Variants in TM9SF4 observed in about 807,000 individuals in gnomAD.
TM9SF4 encodes the protein dinucleotide oxidase disulfide thiol exchanger 3 superfamily member 4.
A neutral mutation model predicts 90.4 loss-of-function variants in TM9SF4; 26 were observed. The ratio of observed to expected loss-of-function variants is 0.29; its 90% CI spans 0.21 to 0.40. TM9SF4 has a LOEUF of 0.40. Ranked by LOEUF, TM9SF4 falls within the 10% of genes least tolerant of loss-of-function variation. TM9SF4 has a pLI of 1.00. For synonymous variants in TM9SF4, 293 were observed against 315.4 expected, an observed-to-expected ratio of 0.93 and a Z score of 0.75; for missense variants, 549 against 834.8, an observed-to-expected ratio of 0.66 and a Z score of 4.22.
chr20:32,141,078 G>A (rs1478146644), intron 3 of TM9SF4, among the ~76,000 whole-genome samples: 5 of 151,884 alleles, frequency 3.3e-5, no homozygotes, highest in Non-Finnish European at 5.9e-5. Context: ...TTAGCCGGGC[G>A]TGGTGGCATG....
intron 1 of TM9SF4, among the ~76,000 whole-genome samples, chr20:32,110,328 A>C (rs753123437): frequency 7.3e-5 from 11 of 150,822 alleles, no homozygotes; most frequent in African/African-American, 2.7e-4. Context: ...CCCCACCCCC[A>C]TCTTTCATCC....
intron 1 of TM9SF4, among the ~76,000 whole-genome samples, chr20:32,131,891 C>T (rs1446245514): frequency 6.6e-6 from 1 of 152,118 alleles, no homozygotes; most frequent in Non-Finnish European, 1.5e-5. Flanking sequence ...AGGCACTGTT[C>T]GTGGTGCTGC....
chr20:32,109,907 A>C, intron 1 of TM9SF4, 152 bp downstream of exon 1: 1 of 1,478,210 alleles, frequency 6.8e-7, no homozygotes, highest in South Asian at 1.3e-5. Flanking sequence ...TCTTCCCCGA[A>C]ATCCACCTCC....
intron 9 of TM9SF4, among the ~76,000 whole-genome samples, chr20:32,149,156 A>T (rs1017875558): frequency 2.0e-5 from 3 of 152,252 alleles, no homozygotes; most frequent in African/African-American, 7.2e-5. Flanking sequence ...AAGTGGGAGT[A>T]TCAAATCATT....
At chr20:32,140,932 T>C (rs1421253797) in intron 3 of TM9SF4, among the ~76,000 whole-genome samples, 1 of 152,050 alleles carries the variant, frequency 6.6e-6, no homozygotes, top group Non-Finnish European at 1.5e-5. Flanking sequence ...AAGGATGTGA[T>C]GCTTGGCTGG....
chr20:32,154,867 A>G (rs1339983632), intron 12 of TM9SF4, among the ~76,000 whole-genome samples: 2 of 152,198 alleles, frequency 1.3e-5, no homozygotes, highest in African/African-American at 4.8e-5. Context: ...AGGTAGCCAA[A>G]ATATGTAATT....
chr20:32,109,810 C>G (rs1410494061), intron 1 of TM9SF4, 55 bp downstream of exon 1: 5 of 1,550,772 alleles, frequency 3.2e-6, no homozygotes, highest in African/African-American at 2.7e-5. Context: ...CCGGGGTATC[C>G]CAGGATCTTC....
chr20:32,109,788 G>A (rs984879504), intron 1 of TM9SF4, 33 bp downstream of exon 1: 4 of 1,551,476 alleles, frequency 2.6e-6, no homozygotes, highest in Non-Finnish European at 3.5e-6. Flanking sequence ...GCGGGAGCTG[G>A]AGCGGGGCCC....
chr20:32,112,623 G>A (rs1288689268), intron 1 of TM9SF4, among the ~76,000 whole-genome samples: 1 of 151,758 alleles, frequency 6.6e-6, no homozygotes, highest in Non-Finnish European at 1.5e-5. Context: ...GAACCCGGGA[G>A]GCGGAGGCTA....
intron 17 of TM9SF4, among the ~76,000 whole-genome samples, chr20:32,163,268 A>AAAAAATAT (rs1555886757): frequency 2.7e-5 from 2 of 74,496 alleles, no homozygotes; most frequent in African/African-American, 5.9e-5. Context: ...AAAAAAAAAA[A>AAAAAATAT]ATATATATAT....
At chr20:32,161,405 G>A in intron 17 of TM9SF4, 40 bp downstream of exon 17, 1 of 1,582,412 alleles carries the variant, frequency 6.3e-7, no homozygotes, top group Non-Finnish European at 8.7e-7. Context: ...GTCCTCATAG[G>A]GTAGGAAGGT....
intron 16 of TM9SF4, 179 bp from the exon 17 acceptor site, chr20:32,161,097 G>T: frequency 1.7e-6 from 1 of 572,406 alleles, no homozygotes; most frequent in Non-Finnish European, 3.1e-6. Flanking sequence ...CCACAGTTCT[G>T]TGGTTTTTAG....
rs552954554 is a variant in TM9SF4, at chr20:32,151,664, TG to T, written c.1245+790del. Among the ~76,000 whole-genome samples, 240 of 152,180 alleles carry T rather than the reference TG, an allele frequency of 1.6e-3. 6 individuals are homozygous for T. The highest frequency in any genetic ancestry group is 0.011 in the East Asian group (56 of 5,176). On this transcript the variant is annotated intron_variant, in intron 12 of 17. Transcript: ENST00000398022. ...GAGGATCAAAGAAAGGTTCCTGAATTGTTTTTTGTTTTTTTATTGTTGTTGT... is the reference window on the plus strand; with the variant it reads ...GAGGATCAAAGAAAGGTTCCTGAATTTTTTTTGTTTTTTTATTGTTGTTGT...
intron 1 of TM9SF4, among the ~76,000 whole-genome samples, chr20:32,123,192 AGGGGGAGGGGGGAGGGGGAGGGGGGAGG>A (rs2046357116): frequency 9.8e-4 from 1 of 1,016 alleles, no homozygotes; most frequent in African/African-American, 2.6e-3. Context: ...GGAGGGGGAG[AGGGGGAGGGGGGAGGGGGAGGGGGGAGG>A]GGGAGAGGGA....
Position 32,150,822 on chromosome 20 carries a change from G to T in TM9SF4, c.1192G>T (p.Gly398Cys). 1 of 1,614,216 alleles carries T rather than the reference G, an allele frequency of 6.2e-7. No individual in the cohort carries two copies. Among genetic ancestry groups the T allele is most frequent in the Non-Finnish European group, 8.5e-7 (1 of 1,180,046 alleles). ...CAGGGTGTTTGGCGGATTTTCTGCT[G>T]GCCGTCTGTACCGCACTTTAAAAGG... is the stretch of plus-strand genomic sequence containing the variant. ...FMGVFGGFSA[G>C]RLYRTLKGHR... The change falls in exon 12 of 18, where the codon GGC becomes TGC. Residue 398 changes from glycine (G) to cysteine (C), a missense_variant. Around this residue, in one of 2 missense-constraint regions of TM9SF4, gnomAD observed 495 missense variants for 711.7 expected, o/e 0.70. Coordinates refer to ENST00000398022, the MANE Select transcript of TM9SF4 (RefSeq NM_014742.4).
intron 1 of TM9SF4, among the ~76,000 whole-genome samples, chr20:32,116,862 C>CTTTTTTTTTTTTTTTTTTTTT (rs201365030): frequency 2.1e-5 from 2 of 95,852 alleles, no homozygotes; most frequent in Non-Finnish European, 4.0e-5. Context: ...TTTCCTTTTT[C>CTTTTTTTTTTTTTTTTTTTTT]TTTTTTTTTT....
At chr20:32,122,863 C>A in intron 1 of TM9SF4, among the ~76,000 whole-genome samples, 1 of 151,994 alleles carries the variant, frequency 6.6e-6, no homozygotes, top group Non-Finnish European at 1.5e-5. Flanking sequence ...CGCCACTTCA[C>A]TCCAGCCTGG....
intron 2 of TM9SF4, among the ~76,000 whole-genome samples, chr20:32,133,519 C>A (rs889294770): frequency 6.6e-6 from 1 of 152,208 alleles, no homozygotes; most frequent in Middle Eastern, 3.2e-3. Context: ...GTCAGCATAA[C>A]TCCTAGTGTC....
chr20:32,165,471 T>C lies in TM9SF4; in HGVS notation c.*27T>C. The C allele has an allele frequency of 6.2e-7, 1 of 1,611,258 alleles. No homozygotes were observed. The highest frequency in any genetic ancestry group is 8.5e-7 in the Non-Finnish European group (1 of 1,177,638). On this transcript the variant is annotated 3_prime_UTR_variant, in exon 18 of 18. Coordinates refer to ENST00000398022, the MANE Select transcript of TM9SF4 (RefSeq NM_014742.4). The stretch of plus-strand genomic sequence containing the variant: ...TGGAGTGGACCACGGCCAAGCTTGC[T>C]CCGTCCTCGGACAGGAAGCCACCCT...
Sources: gnomAD v4.1 joint callset for allele counts (sites outside exome capture counted in the v4.1 genomes callset) on GRCh38, gnomAD v4.1.1 for gene constraint, gnomAD v4.1.1 regional missense constraint, MANE v1.5 for transcripts, NCBI Gene and HGNC (gene_info 2026-07-23, HGNC 2026-07-21) for gene names.